The following KPNA4 variants were observed in gnomAD, a reference collection of about 807,000 sequenced individuals.
KPNA4 encodes the protein karyopherin subunit alpha 4, also known as importin subunit alpha-3.
Under a neutral mutation model 71.3 loss-of-function variants are expected in KPNA4, and 13 were observed. The ratio of observed to expected loss-of-function variants is 0.18; its 90% CI spans 0.12 to 0.29. The LOEUF (loss-of-function observed/expected upper bound fraction) is 0.29, where lower values mean the gene tolerates loss of function less well. KPNA4 is among the 10% of genes least tolerant of loss of function. The pLI, the probability that KPNA4 is intolerant of heterozygous loss-of-function variation, is 1.00. For missense variants in KPNA4, 334 were observed against 603.2 expected, an observed-to-expected ratio of 0.55 and a Z score of 4.67; for synonymous variants, 189 against 195.2, an observed-to-expected ratio of 0.97 and a Z score of 0.26.
At chr3:160,558,413 T>C (rs767003863) in intron 1 of KPNA4, among the ~76,000 whole-genome samples, 16 of 152,182 alleles carry the variant, frequency 1.1e-4, no homozygotes, top group Non-Finnish European at 2.4e-4. Flanking sequence ...GCAGAAATAG[T>C]AAGAGGTTCC....
At chr3:160,516,407 T>A in intron 11 of KPNA4, among the ~76,000 whole-genome samples, 1 of 147,132 alleles carries the variant, frequency 6.8e-6, no homozygotes. Flanking sequence ...AAGAGAGGAG[T>A]CAATAAACAA....
rs71628425 is a variant in KPNA4 at position 160,535,900 on chromosome 3, T to TAAAAAAA, written c.115-10_115-4dup. Reference sequence around the variant, plus strand: ...AAGAGATGTTCATCTCTTTTATTCTTAAAAAAAAAAAAAAAAAAAAAAAAA... The same window carrying TAAAAAAA: ...AAGAGATGTTCATCTCTTTTATTCTTAAAAAAAAAAAAAAAAAAAAAAAAAAAAAAAA... On this transcript the variant is annotated splice_polypyrimidine_tract_variant and splice_region_variant and intron_variant, in intron 2 of 16. Coordinates refer to ENST00000334256, the MANE Select transcript of KPNA4 (RefSeq NM_002268.5). 52 of 325,222 alleles carry TAAAAAAA rather than the reference T, an allele frequency of 1.6e-4. No homozygotes were observed. Among genetic ancestry groups the TAAAAAAA allele is most frequent in the East Asian group, 2.2e-4 (3 of 13,930 alleles). The allele number at this position is 325,222 out of a possible 1,614,324, so 20.1% of individuals were successfully genotyped here.
chr3:160,543,064 CAAAAT>C (rs1024295768), intron 1 of KPNA4, among the ~76,000 whole-genome samples: 1 of 146,056 alleles, frequency 6.8e-6, no homozygotes, highest in African/African-American at 2.5e-5. Context: ...GGAAAAGTCA[CAAAAT>C]AAAGAAGGGA....
chr3:160,549,307 TTTTGCTTTTATAGC>T (rs1721991326), intron 1 of KPNA4, among the ~76,000 whole-genome samples: 1 of 152,202 alleles, frequency 6.6e-6, no homozygotes, highest in Non-Finnish European at 1.5e-5. Context: ...ACTTGTCTAT[TTTTGCTTTTATAGC>T]TTTGCTTTTA....
chr3:160,561,532 C>T (rs1335975646), intron 1 of KPNA4, among the ~76,000 whole-genome samples: 4 of 152,012 alleles, frequency 2.6e-5, no homozygotes, highest in East Asian at 1.9e-4. Flanking sequence ...TTCTTTGGTG[C>T]GTTTGTGTTT....
chr3:160,534,663 G>A (rs990363373), intron 5 of KPNA4, among the ~76,000 whole-genome samples: 3 of 141,452 alleles, frequency 2.1e-5, no homozygotes, highest in Non-Finnish European at 4.5e-5. Context: ...GTTGCAGTGA[G>A]CTGAGATTGC....
At position 160,499,322 on chromosome 3, in the gene KPNA4, AT is replaced by A. The variant is rs541086021; in HGVS notation, c.*2781del. On this transcript the variant is annotated 3_prime_UTR_variant, in exon 17 of 17. Coordinates refer to ENST00000334256, the MANE Select transcript of KPNA4 (RefSeq NM_002268.5). ...CACACACCCCTAATATAACATTCTT[AT>A]TTTTACAGCACTTGAGGTGGTCTCA... The A allele has an allele frequency of 7.0e-4, 106 of 152,270 alleles. No homozygotes were observed. Among genetic ancestry groups the A allele is most frequent in the African/African-American group, 2.3e-3 (97 of 41,546 alleles). The allele number at this position is 152,270 out of a possible 1,614,324, so 9.4% of individuals were successfully genotyped here.
intron 1 of KPNA4, among the ~76,000 whole-genome samples, chr3:160,560,456 T>G (rs1722221306): frequency 6.6e-6 from 1 of 152,060 alleles, no homozygotes; most frequent in Non-Finnish European, 1.5e-5. Context: ...CAAGGTTAAA[T>G]CTGATGACAT....
intron 1 of KPNA4, among the ~76,000 whole-genome samples, chr3:160,546,742 TCTG>T (rs1341655544): frequency 9.0e-6 from 1 of 111,098 alleles, no homozygotes; most frequent in Non-Finnish European, 2.1e-5. Context: ...CTGGTCTGTT[TCTG>T]CTACCATTAT....
intron 11 of KPNA4, among the ~76,000 whole-genome samples, chr3:160,517,027 T>G (rs572094683): frequency 6.6e-6 from 1 of 152,044 alleles, no homozygotes; most frequent in South Asian, 2.1e-4. Context: ...TCAGTAGTTC[T>G]TAGTATATTC....
intron 5 of KPNA4, among the ~76,000 whole-genome samples, chr3:160,532,786 A>G (rs1721599052): frequency 6.6e-6 from 1 of 152,188 alleles, no homozygotes; most frequent in South Asian, 2.1e-4. Context: ...AAACTACTTC[A>G]CAAGTTGGCT....
At chr3:160,512,284 A>G (rs1213797354) in intron 13 of KPNA4, among the ~76,000 whole-genome samples, 2 of 152,148 alleles carry the variant, frequency 1.3e-5, no homozygotes, top group African/African-American at 4.8e-5. Context: ...AAAACTAGTG[A>G]TAACATAAAA....
At chr3:160,521,275 C>G (rs577146396) in intron 11 of KPNA4, among the ~76,000 whole-genome samples, 1 of 152,108 alleles carries the variant, frequency 6.6e-6, no homozygotes, top group Non-Finnish European at 1.5e-5. Context: ...ATGCATGTTG[C>G]TATAATGAAC....
intron 11 of KPNA4, among the ~76,000 whole-genome samples, chr3:160,518,421 C>T (rs955081862): frequency 1.3e-5 from 2 of 150,534 alleles, no homozygotes; most frequent in African/African-American, 4.9e-5. Context: ...AGGCGTGAGC[C>T]ACCGCGCCCG....
rs192934269 is a variant in KPNA4, at chr3:160,530,507, C to G, written c.469+348G>C. ...AAGAAAAACAACAACAACAAAAAAA[C>G]AAAAACAAAAAAAGAGAGGCTGAGA... On this transcript the variant is annotated intron_variant, in intron 7 of 16. Coordinates refer to ENST00000334256, the MANE Select transcript of KPNA4 (RefSeq NM_002268.5). Among the ~76,000 whole-genome samples, 383 of 150,982 alleles carry G rather than the reference C, an allele frequency of 2.5e-3. 2 individuals carry two copies. The highest frequency in any genetic ancestry group is 2.0e-3 in the Non-Finnish European group (137 of 67,652).
intron 1 of KPNA4, among the ~76,000 whole-genome samples, chr3:160,551,037 A>G (rs1722031047): frequency 6.6e-6 from 1 of 150,664 alleles, no homozygotes; most frequent in South Asian, 2.1e-4. Flanking sequence ...GAACTCTTCC[A>G]TCTTTTGAAA....
intron 3 of KPNA4, 49 bp from the exon 4 acceptor site, chr3:160,535,739 T>C: frequency 1.3e-6 from 2 of 1,568,150 alleles, no homozygotes; most frequent in Non-Finnish European, 1.7e-6. Flanking sequence ...CACCTTAAAA[T>C]TCTCTTATTA....
At chr3:160,561,711 A>G (rs567262297) in intron 1 of KPNA4, among the ~76,000 whole-genome samples, 16 of 152,054 alleles carry the variant, frequency 1.1e-4, no homozygotes, top group Non-Finnish European at 2.4e-4. Context: ...ATGAGCAGCT[A>G]CATGTCTCTG....
At position 160,505,071 on chromosome 3, in the gene KPNA4, T is replaced by C; in HGVS notation, c.1373-19A>G. The C allele has an allele frequency of 7.6e-7, 1 of 1,321,366 alleles. No homozygotes were observed. Among genetic ancestry groups the C allele is most frequent in the Non-Finnish European group, 1.0e-6 (1 of 961,762 alleles). The allele number at this position is 1,321,366 out of a possible 1,614,324, so 81.9% of individuals were successfully genotyped here. Reference sequence around the variant, plus strand: ...TCCAGCCCTGCAAGAAATTTTGCAATGTGAAACAATAGTAATATTTAAAGA... The same window carrying C: ...TCCAGCCCTGCAAGAAATTTTGCAACGTGAAACAATAGTAATATTTAAAGA... On this transcript the variant is annotated intron_variant, in intron 15 of 16. Transcript: ENST00000334256.
Sources: gnomAD v4.1 joint callset for allele counts (sites outside exome capture counted in the v4.1 genomes callset) on GRCh38, gnomAD v4.1.1 for gene constraint, MANE v1.5 for transcripts, NCBI Gene and HGNC (gene_info 2026-07-23, HGNC 2026-07-21) for gene names.